ANGPTL6: variants seen among roughly 807,000 people sequenced by gnomAD.
ANGPTL6 encodes the protein angiopoietin-related protein 6.
ANGPTL6 carries 45 observed loss-of-function variants against 47.4 expected under a neutral mutation model. The observed-to-expected ratio is 0.95, with a 90% CI of 0.75 to 1.22. The LOEUF is 1.22. Among genes scored for constraint, ANGPTL6 ranks in the 50% most tolerant of loss-of-function variants. The pLI is 0.00. For missense variants in ANGPTL6, 698 were observed against 669.4 expected, an observed-to-expected ratio of 1.04 and a Z score of -0.47; for synonymous variants, 290 against 295.9, an observed-to-expected ratio of 0.98 and a Z score of 0.20.
chr19:10,102,825 G>A, upstream of ANGPTL6: 1 of 957,034 alleles, frequency 1.0e-6, no homozygotes, highest in Non-Finnish European at 1.2e-6. Flanking sequence ...AGACCCCCCT[G>A]CCCAGGCCAC....
At chr19:10,100,973 C>A (rs1003279723) in intron 1 of ANGPTL6, among the ~76,000 whole-genome samples, 3 of 151,484 alleles carry the variant, frequency 2.0e-5, no homozygotes, top group African/African-American at 7.3e-5. Flanking sequence ...CTTTGGGAGG[C>A]TGAGGTGGGA....
In ANGPTL6 at chr19:10,093,662, C is replaced by T. The variant is rs188535698; in HGVS notation, c.951+31G>A. Reference sequence around the variant, plus strand: ...TCAGGAAGCCAGAACAGGCTCCCTCCCCTTCCCTGCCTCTGCCCACCTGTG... The same window carrying T: ...TCAGGAAGCCAGAACAGGCTCCCTCTCCTTCCCTGCCTCTGCCCACCTGTG... On this transcript the variant is annotated intron_variant, in intron 4 of 5. Transcript: ENST00000253109. 3.3e-3 allele frequency: 5,400 copies of T among 1,613,448 alleles called. 20 individuals are homozygous for T. Among genetic ancestry groups the T allele is most frequent in the Non-Finnish European group, 3.1e-3 (3,636 of 1,179,422 alleles).
chr19:10,101,536 G>C (rs186143634), intron 1 of ANGPTL6, among the ~76,000 whole-genome samples: 1 of 150,178 alleles, frequency 6.7e-6, no homozygotes, highest in Non-Finnish European at 1.5e-5. Flanking sequence ...GGCCAGGCAC[G>C]GTGGCTCACG....
chr19:10,092,869 T>C (rs1411881859), intron 5 of ANGPTL6, 90 bp from the exon 6 acceptor site: 22 of 1,110,280 alleles, frequency 2.0e-5, no homozygotes, highest in African/African-American at 6.4e-5. Context: ...AGGCATCCCC[T>C]GGCCCCTCCC....
Position 10,096,233 on chromosome 19 carries a change from G to C in ANGPTL6, c.331C>G (p.Arg111Gly), listed in dbSNP as rs1599286725. Reference protein sequence around the residue: ...RGLSARLGQLRAQLQHEAGPG... With the variant: ...RGLSARLGQLGAQLQHEAGPG... ...CCCGCCTCGTGCTGCAGCTGCGCGCGCAACTGGCCCAGGCGCGCGCTCAGG... is the reference window on the plus strand; with the variant it reads ...CCCGCCTCGTGCTGCAGCTGCGCGCCCAACTGGCCCAGGCGCGCGCTCAGG... The change falls in exon 2 of 6, where the codon CGC (arginine) becomes GGC (glycine). Residue 111 changes from arginine (R) to glycine (G), a missense_variant. Transcript: ENST00000253109. 3 of 1,187,710 alleles carry C rather than the reference G, an allele frequency of 2.5e-6. No homozygotes were observed. In the South Asian group the frequency reaches 1.2e-4, roughly 49 times the overall value. The allele number at this position is 1,187,710 out of a possible 1,614,324, so 73.6% of individuals were successfully genotyped here.
chr19:10,102,600 C>G lies in ANGPTL6; in HGVS notation c.-43G>C. On this transcript the variant is annotated 5_prime_UTR_variant, in exon 1 of 6. Transcript: ENST00000253109. ...GCCCAAGACCCTGAATCCAGCGAAG[C>G]TCACAGAACACACAAGAAGTCCAAG... is the stretch of plus-strand genomic sequence containing the variant. The G allele has an allele frequency of 1.0e-6, 1 of 984,668 alleles. No individual in the cohort carries two copies. Among genetic ancestry groups the G allele is most frequent in the Middle Eastern group, 5.2e-4 (1 of 1,912 alleles). The allele number at this position is 984,668 out of a possible 1,614,324, so 61.0% of individuals were successfully genotyped here.
At chr19:10,102,832 C>A (rs946179243), upstream of ANGPTL6, 1 of 934,734 alleles carries the variant, frequency 1.1e-6, no homozygotes, top group Non-Finnish European at 1.3e-6. Context: ...CCTGCCCAGG[C>A]CACCAGAGCC....
chr19:10,099,627 C>G (rs2088633045), intron 1 of ANGPTL6, among the ~76,000 whole-genome samples: 1 of 149,514 alleles, frequency 6.7e-6, no homozygotes, highest in Non-Finnish European at 1.5e-5. Context: ...ATATCCCCTT[C>G]TGCCCTCCTC....
chr19:10,092,883 C>G (rs1409650055), intron 5 of ANGPTL6, 104 bp from the exon 6 acceptor site: 1 of 951,468 alleles, frequency 1.1e-6, no homozygotes, highest in Non-Finnish European at 1.5e-6. Context: ...CCCTCCCATT[C>G]TTATTGAATA....
chr19:10,095,078 G>C (rs556944227), intron 2 of ANGPTL6, 140 bp from the exon 3 acceptor site: 22 of 918,930 alleles, frequency 2.4e-5, no homozygotes, highest in Admixed American at 6.0e-5. Context: ...CCAGCCCTAG[G>C]AATGATCCTC....
At chr19:10,094,121 C>G (rs1186805954) in intron 3 of ANGPTL6, among the ~76,000 whole-genome samples, 1 of 152,102 alleles carries the variant, frequency 6.6e-6, no homozygotes, top group African/African-American at 2.4e-5. Context: ...GGTCCCTTGT[C>G]TCTAATCAAA....
At position 10,102,508 on chromosome 19, in the gene ANGPTL6, C is replaced by T. The variant is rs1202267878; in HGVS notation, c.-11+60G>A. 8 of 973,976 alleles carry T rather than the reference C, an allele frequency of 8.2e-6. No homozygotes were observed. The East Asian group carries it at 7.9e-4, about 97-fold the overall frequency. 60.3% of individuals were successfully genotyped at this position (973,976 alleles called of 1,614,324 possible). A position where few individuals can be genotyped will look rare whatever the true frequency, so the allele number is the denominator to read the frequency against. ...GTGGCCTGGGGGCCCCCAAGCCAAG[C>T]TGTGGTCGGAGTTTCCCCACAGTGA... On this transcript the variant is annotated intron_variant, in intron 1 of 5. Transcript: ENST00000253109.
chr19:10,096,090 G>A lies in ANGPTL6; in HGVS notation c.474C>T (p.His158=). 4.7e-6 allele frequency: 7 copies of A among 1,493,492 alleles called. No individual in the cohort carries two copies. The highest frequency in any genetic ancestry group is 1.2e-5 in the South Asian group (1 of 80,006). 92.5% of individuals were successfully genotyped at this position (1,493,492 alleles called of 1,614,324 possible). The part of the protein sequence containing the change: ...AEAQRAAARF[H]QLDVKFRELA... ...GCTCGCGGAACTTGACGTCCAGCTG[G>A]TGGAACCGGGCGGCTGCGCGCTGAG... Residue 158 remains histidine, a synonymous_variant, in exon 2 of 6, where the codon CAC becomes CAT. Coordinates refer to ENST00000253109, the MANE Select transcript of ANGPTL6 (RefSeq NM_031917.3).
At chr19:10,092,979 C>T (rs1259538222) in intron 5 of ANGPTL6, 200 bp from the exon 6 acceptor site, 2 of 510,812 alleles carry the variant, frequency 3.9e-6, no homozygotes, top group Non-Finnish European at 6.8e-6. Context: ...TAATTCCTTC[C>T]CTATCTCCTT....
rs186771605 is a variant in ANGPTL6, at chr19:10,093,739, C to T, written c.905G>A (p.Arg302Lys). The change falls in exon 4 of 6, where the codon AGG (arginine) becomes AAG (lysine). Residue 302 changes from arginine (R) to lysine (K), a missense_variant. Arg to Lys is a conservative substitution (Grantham distance 26). Coordinates refer to ENST00000253109, the MANE Select transcript of ANGPTL6 (RefSeq NM_031917.3). Reference sequence around the variant, plus strand: ...GAAGAAGTTGACTGAACCATCTTGCCTCCGCTGGATCACAGTCCAGCCTCC... The same window carrying T: ...GAAGAAGTTGACTGAACCATCTTGCTTCCGCTGGATCACAGTCCAGCCTCC... ...EGGGWTVIQR[R>K]QDGSVNFFTT... is the part of the protein sequence containing the mutation. The T allele has an allele frequency of 8.7e-6, 14 of 1,614,258 alleles. No individual in the cohort carries two copies. In the East Asian group the frequency reaches 2.0e-4, roughly 23 times the overall value.
chr19:10,097,523 GAATA>G (rs369102852), intron 1 of ANGPTL6, among the ~76,000 whole-genome samples: 100 of 152,238 alleles, frequency 6.6e-4, no homozygotes, highest in African/African-American at 2.4e-3. Flanking sequence ...TGTATAGGAT[GAATA>G]AATAGAGCAT....
chr19:10,097,825 C>T (rs1353962761), intron 1 of ANGPTL6, among the ~76,000 whole-genome samples: 2 of 151,648 alleles, frequency 1.3e-5, no homozygotes, highest in Non-Finnish European at 2.9e-5. Flanking sequence ...TGCAGCCCAG[C>T]CTGGGTGACT....
At chr19:10,103,270 ACAC>A (rs540211129), upstream of ANGPTL6, among the ~76,000 whole-genome samples, 47 of 151,598 alleles carry the variant, frequency 3.1e-4, 3 homozygotes, top group Non-Finnish European at 6.0e-4. Context: ...ACACACACAC[ACAC>A]ATTTGCACGC....
rs780354570 is a variant in ANGPTL6 at position 10,093,607 on chromosome 19, G to A, written c.964C>T (p.Arg322Trp). ...CCCAGCCAGTATTCTCCGTCTGGCCGCCCAAAGCCCGCCTGGCAGGGCAGG... is the reference window on the plus strand; with the variant it reads ...CCCAGCCAGTATTCTCCGTCTGGCCACCCAAAGCCCGCCTGGCAGGGCAGG... ...TWQHYKAGFG[R>W]PDGEYWLGLE... The change falls in exon 5 of 6, where the codon CGG (arginine) becomes TGG (tryptophan). Residue 322 changes from arginine to tryptophan, a missense_variant. Physicochemically the swap from Arg to Trp is moderately radical, Grantham distance 101 (BLOSUM62 -3). Coordinates refer to ENST00000253109, the MANE Select transcript of ANGPTL6 (RefSeq NM_031917.3). The A allele has an allele frequency of 1.2e-5, 20 of 1,613,392 alleles. No homozygotes were observed. Among genetic ancestry groups the A allele is most frequent in the South Asian group, 8.8e-5 (8 of 91,064 alleles).
Sources: allele counts gnomAD v4.1 joint callset (sites outside exome capture counted in the v4.1 genomes callset), GRCh38; gene constraint gnomAD v4.1.1; transcripts MANE v1.5; gene names NCBI Gene and HGNC (gene_info 2026-07-23, HGNC 2026-07-21).